Variants in TRERF1 observed in about 807,000 individuals in gnomAD.
The protein encoded by TRERF1 is transcriptional-regulating factor 1.
TRERF1 carries 27 observed loss-of-function variants against 122.9 expected under a neutral mutation model. That is an observed-to-expected ratio of 0.22 (90% CI 0.16 to 0.30). TRERF1 has a LOEUF of 0.30. Among genes scored for constraint, TRERF1 ranks in the 10% least tolerant of loss-of-function variants. TRERF1 has a pLI of 1.00. For synonymous variants in TRERF1, 636 were observed against 641.7 expected, an observed-to-expected ratio of 0.99 and a Z score of 0.13; for missense variants, 1,248 against 1,560.3, an observed-to-expected ratio of 0.80 and a Z score of 3.37.
chr6:42,233,546 A>G (rs771921643), intron 16 of TRERF1, among the ~76,000 whole-genome samples: 23 of 152,064 alleles, frequency 1.5e-4, no homozygotes, highest in Non-Finnish European at 2.9e-4. Flanking sequence ...TGGCCTCCCA[A>G]AGTGCTGGGA....
intron 4 of TRERF1, among the ~76,000 whole-genome samples, chr6:42,292,249 T>C (rs1387276109): frequency 6.6e-6 from 1 of 152,182 alleles, no homozygotes; most frequent in Non-Finnish European, 1.5e-5. Flanking sequence ...TTTGGTTATT[T>C]GTTTCCTGGA....
At chr6:42,337,791 A>T (rs1421941460) in intron 3 of TRERF1, among the ~76,000 whole-genome samples, 1 of 152,128 alleles carries the variant, frequency 6.6e-6, no homozygotes, top group African/African-American at 2.4e-5. Flanking sequence ...TGGCATATGA[A>T]AACCTCCCGA....
intron 8 of TRERF1, among the ~76,000 whole-genome samples, chr6:42,262,435 A>C (rs6942275): frequency 0.58 from 21,802 of 37,860 alleles, 5,032 homozygotes; most frequent in South Asian, 0.66. Context: ...CCCTAGGGGC[A>C]GAGAGAGAGA....
At chr6:42,417,556 G>A (rs1018507426) in intron 2 of TRERF1, among the ~76,000 whole-genome samples, 1 of 152,214 alleles carries the variant, frequency 6.6e-6, no homozygotes, top group African/African-American at 2.4e-5. Flanking sequence ...GTGCAGCAGA[G>A]AGTGGTCCAA....
chr6:42,259,283 T>C lies in TRERF1; in HGVS notation c.2269+56A>G. 1.4e-6 allele frequency: 2 copies of C among 1,468,468 alleles called. No individual in the cohort carries two copies. The allele number at this position is 1,468,468 out of a possible 1,614,324, so 91.0% of individuals were successfully genotyped here. A position where few individuals can be genotyped will look rare whatever the true frequency, so the allele number is the denominator to read the frequency against. On this transcript the variant is annotated intron_variant, in intron 9 of 17. Coordinates refer to ENST00000372922, the Ensembl canonical transcript of TRERF1. The surrounding 1 kb of genome is among the most constrained non-coding windows in gnomAD (Gnocchi z 4.9). ...TGAGAAAGCTAAAGAAAACGAGATG[T>C]CCCAGGACTTTACCCAGCACCCAGA... is the stretch of plus-strand genomic sequence containing the variant.
At chr6:42,344,230 T>A (rs1225484952) in intron 3 of TRERF1, among the ~76,000 whole-genome samples, 1 of 152,182 alleles carries the variant, frequency 6.6e-6, no homozygotes, top group Non-Finnish European at 1.5e-5. Flanking sequence ...TCCCCAAGCC[T>A]CAGCTTCCTC....
intron 15 of TRERF1, among the ~76,000 whole-genome samples, chr6:42,240,772 G>A (rs572047280): frequency 1.8e-4 from 28 of 152,308 alleles, no homozygotes; most frequent in African/African-American, 6.7e-4. Flanking sequence ...TCGGGGGAGA[G>A]GAGGGAAGGG....
At chr6:42,288,405 C>T (rs1160105869) in intron 4 of TRERF1, among the ~76,000 whole-genome samples, 2 of 151,870 alleles carry the variant, frequency 1.3e-5, no homozygotes, top group East Asian at 3.9e-4. Flanking sequence ...CCCATCTCTA[C>T]TAAAAATACA....
At position 42,374,138 on chromosome 6, in the gene TRERF1, A is replaced by T. The variant is rs1353749092; in HGVS notation, c.-453-11059T>A. On this transcript the variant is annotated intron_variant, in intron 2 of 17. Coordinates refer to ENST00000372922, the Ensembl canonical transcript of TRERF1. ...CAAAGTGAGACTCTGTCTTTTTTTT[A>T]AAAAAAAAAAAAAAGAAGAAGAAGA... 5.1e-3 allele frequency among the ~76,000 whole-genome samples: 550 copies of T among 106,970 alleles called. 5 individuals are homozygous for T. Among genetic ancestry groups the T allele is most frequent in the South Asian group, 0.015 (55 of 3,598 alleles). 70.2% of individuals were successfully genotyped at this position (106,970 alleles called of 152,430 possible).
chr6:42,256,691 C>T lies in TRERF1; in HGVS notation c.2580+37G>A, dbSNP rs368065374. The T allele has an allele frequency of 1.8e-5, 28 of 1,578,182 alleles. No individual in the cohort carries two copies. In the African/African-American group the frequency reaches 3.5e-4, roughly 20 times the overall value. On this transcript the variant is annotated intron_variant, in intron 12 of 17. Transcript: ENST00000372922. ...TATTGAAACTTGGGAAAATACTCTT[C>T]AGGAATTTGTAAAGCCTCTTTTTCA...
At position 42,310,291 on chromosome 6, in the gene TRERF1, T is replaced by C. The variant is rs546221506; in HGVS notation, c.-370-9542A>G. On this transcript the variant is annotated intron_variant, in intron 3 of 17. Coordinates refer to ENST00000372922, the Ensembl canonical transcript of TRERF1. ...GGCCTACACATTTTAAGATGCTCAA[T>C]AGCCACATGTGGCTAGTAGCTACCA... Among the ~76,000 whole-genome samples, 3 of 152,274 alleles carry C rather than the reference T, an allele frequency of 2.0e-5. No individual in the cohort carries two copies. In the South Asian group the frequency reaches 6.2e-4, roughly 32 times the overall value.
At chr6:42,351,133 TA>T (rs1302331567) in intron 3 of TRERF1, among the ~76,000 whole-genome samples, 2 of 152,156 alleles carry the variant, frequency 1.3e-5, no homozygotes, top group Non-Finnish European at 2.9e-5. Flanking sequence ...CTGAAACAAC[TA>T]TAATGTTCAC....
chr6:42,288,245 T>C (rs72856390), intron 4 of TRERF1, among the ~76,000 whole-genome samples: 4,146 of 151,920 alleles, frequency 0.027, 55 homozygotes, highest in Non-Finnish European at 0.037. Context: ...GAGACAAGTA[T>C]AATTTTACAC....
chr6:42,314,073 G>A (rs554182850), intron 3 of TRERF1, among the ~76,000 whole-genome samples: 1 of 151,968 alleles, frequency 6.6e-6, no homozygotes. Context: ...TATCAGGCAC[G>A]CCCCTTTCTG....
intron 3 of TRERF1, among the ~76,000 whole-genome samples, chr6:42,359,679 G>A (rs914487548): frequency 7.9e-5 from 12 of 152,050 alleles, no homozygotes; most frequent in African/African-American, 2.4e-4. Context: ...AGCCGAGATC[G>A]CACCACAACA....
At chr6:42,277,634 T>G (rs1781384972) in intron 4 of TRERF1, among the ~76,000 whole-genome samples, 1 of 152,088 alleles carries the variant, frequency 6.6e-6, no homozygotes, top group Admixed American at 6.6e-5. Context: ...ACAGATCACT[T>G]GAACCCAAGA....
chr6:42,421,670 A>G (rs1047663823), intron 2 of TRERF1, among the ~76,000 whole-genome samples: 1 of 152,132 alleles, frequency 6.6e-6, no homozygotes, highest in African/African-American at 2.4e-5. Context: ...GCTAATCGGG[A>G]GGCTGAGGCA....
At chr6:42,255,918 G>A (rs1392088287) in intron 12 of TRERF1, among the ~76,000 whole-genome samples, 1 of 152,000 alleles carries the variant, frequency 6.6e-6, no homozygotes, top group Non-Finnish European at 1.5e-5. Context: ...ATCACCTGAG[G>A]TCAGGAGTTC....
intron 2 of TRERF1, among the ~76,000 whole-genome samples, chr6:42,405,097 A>G (rs79012985): frequency 0.03 from 4,628 of 152,296 alleles, 102 homozygotes; most frequent in Middle Eastern, 0.054. Context: ...CGGTAACCCT[A>G]CCAAACTAGG....
Sources: allele counts gnomAD v4.1 joint callset (sites outside exome capture counted in the v4.1 genomes callset), GRCh38; gene constraint gnomAD v4.1.1; non-coding constraint Gnocchi (gnomAD v3.1); transcripts MANE v1.5; gene names NCBI Gene and HGNC (gene_info 2026-07-23, HGNC 2026-07-21).